Variants in KDM4B observed in about 807,000 individuals in gnomAD.
The protein encoded by KDM4B is lysine demethylase 4B, also known as lysine-specific demethylase 4B.
A neutral mutation model predicts 125.2 loss-of-function variants in KDM4B; 32 were observed. The observed-to-expected ratio is 0.26, with a 90% CI of 0.19 to 0.34. The LOEUF is 0.34. KDM4B is among the 10% of genes least tolerant of loss of function. The pLI, the probability that KDM4B is intolerant of heterozygous loss-of-function variation, is 1.00. For synonymous variants in KDM4B, 721 were observed against 677.9 expected (o/e 1.06, Z -0.99); for missense variants, 1,190 against 1,577.7 (o/e 0.75, Z 4.16).
chr19:5,058,394 TG>T, intron 6 of KDM4B, among the ~76,000 whole-genome samples: 1 of 151,696 alleles, frequency 6.6e-6, no homozygotes, highest in Non-Finnish European at 1.5e-5. Context: ...GCAGGGAGAA[TG>T]GGGGGCTCTG....
chr19:5,037,323 C>G, intron 3 of KDM4B, among the ~76,000 whole-genome samples: 1 of 152,184 alleles, frequency 6.6e-6, no homozygotes, highest in Non-Finnish European at 1.5e-5. Flanking sequence ...CCATACCACT[C>G]AGTTCTCTGT....
chr19:5,014,042 A>G (rs2035813396), intron 1 of KDM4B, among the ~76,000 whole-genome samples: 1 of 152,258 alleles, frequency 6.6e-6, no homozygotes, highest in Non-Finnish European at 1.5e-5. Context: ...GTGGGAAGAT[A>G]TGGAAGTCGG....
At chr19:5,010,697 G>A (rs2035701151) in intron 1 of KDM4B, among the ~76,000 whole-genome samples, 1 of 152,120 alleles carries the variant, frequency 6.6e-6, no homozygotes. Context: ...GCCCAGGCTG[G>A]AATGCAGTGG....
At chr19:5,135,661 G>A (rs377171170) in intron 15 of KDM4B, 100 bp downstream of exon 15, 9 of 1,015,924 alleles carry the variant, frequency 8.9e-6, no homozygotes, top group South Asian at 6.5e-5. Context: ...GGGCCACACC[G>A]GCCCCTCTCC....
intron 9 of KDM4B, among the ~76,000 whole-genome samples, chr19:5,108,140 C>G (rs1478084792): frequency 6.6e-6 from 1 of 152,240 alleles, no homozygotes; most frequent in Non-Finnish European, 1.5e-5. Context: ...TCTGCCTGTC[C>G]CCCCTCCACG....
intron 6 of KDM4B, among the ~76,000 whole-genome samples, chr19:5,067,514 A>G (rs2037810618): frequency 6.6e-6 from 1 of 152,064 alleles, no homozygotes; most frequent in Non-Finnish European, 1.5e-5. Context: ...CCTGGCCTCC[A>G]GGGCTCTAGA....
chr19:5,132,885 G>A (rs2039583999), intron 13 of KDM4B, among the ~76,000 whole-genome samples: 1 of 152,208 alleles, frequency 6.6e-6, no homozygotes, highest in Non-Finnish European at 1.5e-5. Flanking sequence ...GCCTTCCCTG[G>A]GCTCCGCTGG....
In KDM4B at chr19:5,126,700, G is replaced by A. The variant is rs947543481; in HGVS notation, c.1316-4376G>A. 3.9e-5 allele frequency among the ~76,000 whole-genome samples: 6 copies of A among 152,350 alleles called. No homozygotes were observed. The East Asian group carries it at 5.8e-4, about 15-fold the overall frequency. On this transcript the variant is annotated intron_variant, in intron 11 of 22. Coordinates refer to ENST00000159111, the MANE Select transcript of KDM4B (RefSeq NM_015015.3). ...TAGTGAGGGGCTGTGAGCTCAGCCCGGGGACCCGCCAGCACATCCCAGCTG... is the reference window on the plus strand; with the variant it reads ...TAGTGAGGGGCTGTGAGCTCAGCCCAGGGACCCGCCAGCACATCCCAGCTG...
intron 9 of KDM4B, among the ~76,000 whole-genome samples, chr19:5,096,102 T>A (rs2038816846): frequency 6.6e-6 from 1 of 151,622 alleles, no homozygotes; most frequent in Non-Finnish European, 1.5e-5. Context: ...TTTTTTTTTT[T>A]TGAGGTGGAG....
chr19:5,070,732 C>T (rs2037919484), intron 6 of KDM4B: 2 of 377,688 alleles, frequency 5.3e-6, no homozygotes, highest in Non-Finnish European at 9.7e-6. Flanking sequence ...TGCCGCTTAA[C>T]CGGGAGCATC....
intron 22 of KDM4B, 64 bp from the exon 23 acceptor site, chr19:5,151,271 C>T: frequency 7.5e-7 from 1 of 1,326,520 alleles, no homozygotes; most frequent in Non-Finnish European, 9.9e-7. Flanking sequence ...AGGCCATAGA[C>T]AGTGGCTGGG....
intron 9 of KDM4B, among the ~76,000 whole-genome samples, chr19:5,090,071 T>A (rs2038640676): frequency 6.6e-6 from 1 of 152,036 alleles, no homozygotes; most frequent in South Asian, 2.1e-4. Context: ...GCCCCCTTCC[T>A]CCCTGCTGAG....
chr19:5,124,643 C>T (rs953972828), intron 11 of KDM4B, among the ~76,000 whole-genome samples: 1 of 152,218 alleles, frequency 6.6e-6, no homozygotes, highest in Non-Finnish European at 1.5e-5. Flanking sequence ...GTCACCCAGG[C>T]TGGAGTGCAG....
chr19:5,022,565 A>G (rs1449596134), intron 2 of KDM4B, among the ~76,000 whole-genome samples: 1 of 152,088 alleles, frequency 6.6e-6, no homozygotes, highest in African/African-American at 2.4e-5. Flanking sequence ...AGTGCCAGCA[A>G]CTGGAGCCCA....
chr19:5,039,789 G>A (rs1202611552), intron 3 of KDM4B, 47 bp from the exon 4 acceptor site: 3 of 1,591,248 alleles, frequency 1.9e-6, no homozygotes, highest in Non-Finnish European at 2.6e-6. Context: ...CTCTGGCCCT[G>A]CCCTGAGGGT....
intron 9 of KDM4B, among the ~76,000 whole-genome samples, chr19:5,106,005 A>G (rs890766402): frequency 6.6e-6 from 1 of 152,246 alleles, no homozygotes; most frequent in Non-Finnish European, 1.5e-5. Flanking sequence ...TTACTCCTAC[A>G]ATTGAAAGAA....
At position 4,971,953 on chromosome 19, in the gene KDM4B, G is replaced by C. The variant is rs978395970; in HGVS notation, c.-109+2723G>C. On this transcript the variant is annotated intron_variant, in intron 1 of 22. Coordinates refer to ENST00000159111, the MANE Select transcript of KDM4B (RefSeq NM_015015.3). The surrounding 1 kb of genome is among the most constrained non-coding windows in gnomAD (Gnocchi z 4.1). ...GATGAACAGGGTGGGGGCTCGGGGC[G>C]GGGGGAGCTCCGCAGGCCTGCACTG... Among the ~76,000 whole-genome samples, 6 of 151,970 alleles carry C rather than the reference G, an allele frequency of 3.9e-5. No individual in the cohort carries two copies. The highest frequency in any genetic ancestry group is 2.1e-4 in the South Asian group (1 of 4,824).
intron 18 of KDM4B, among the ~76,000 whole-genome samples, chr19:5,143,038 T>C (rs1039793785): frequency 1.2e-4 from 19 of 152,182 alleles, no homozygotes; most frequent in Middle Eastern, 3.4e-3. Flanking sequence ...TAAAAGCCGA[T>C]GTAAAGGACC....
chr19:5,054,151 C>T (rs540277605), intron 6 of KDM4B, among the ~76,000 whole-genome samples: 1 of 152,318 alleles, frequency 6.6e-6, no homozygotes, highest in African/African-American at 2.4e-5. Flanking sequence ...GTCGTATGAT[C>T]ACACCTCACT....
Sources: allele counts gnomAD v4.1 joint callset (sites outside exome capture counted in the v4.1 genomes callset), GRCh38; gene constraint gnomAD v4.1.1; non-coding constraint Gnocchi (gnomAD v3.1); transcripts MANE v1.5; gene names NCBI Gene and HGNC (gene_info 2026-07-23, HGNC 2026-07-21).